ZNF658: variants seen among roughly 807,000 people sequenced by gnomAD.
ZNF658 encodes the protein zinc finger protein 658.
Under a neutral mutation model 78.0 loss-of-function variants are expected in ZNF658, and 46 were observed. The ratio of observed to expected loss-of-function variants is 0.59; its 90% CI spans 0.47 to 0.75. The LOEUF (loss-of-function observed/expected upper bound fraction) is 0.75, where lower values mean the gene tolerates loss of function less well. ZNF658 is among the 30% of genes least tolerant of loss of function. The pLI is 0.00. For missense variants in ZNF658, 785 were observed against 1,189.3 expected, an observed-to-expected ratio of 0.66 and a Z score of 5.00; for synonymous variants, 279 against 408.4, an observed-to-expected ratio of 0.68 and a Z score of 3.82.
intron 1 of ZNF658, among the ~76,000 whole-genome samples, chr9:66,901,426 C>T (rs950693860): frequency 5.9e-5 from 9 of 151,724 alleles, no homozygotes; most frequent in Non-Finnish European, 1.3e-4. Flanking sequence ...GCCTTCAGAG[C>T]GCTTATGCAG....
chr9:66,916,302 C>A (rs1364354668), intron 4 of ZNF658, among the ~76,000 whole-genome samples: 2 of 152,186 alleles, frequency 1.3e-5, no homozygotes. Context: ...TTTGAGAATT[C>A]TTTCACCCAT....
At chr9:66,906,318 C>G (rs1200188061) in intron 2 of ZNF658, among the ~76,000 whole-genome samples, 1 of 150,188 alleles carries the variant, frequency 6.7e-6, no homozygotes, top group Admixed American at 6.7e-5. Flanking sequence ...AGAGCATAAT[C>G]ACAGCCCTGG....
At chr9:66,917,254 T>C (rs201628643) in intron 4 of ZNF658, among the ~76,000 whole-genome samples, 15 of 132,600 alleles carry the variant, frequency 1.1e-4, no homozygotes, top group East Asian at 1.1e-3. Context: ...GGATTTTTAA[T>C]TGTAAGAGGG....
chr9:66,903,182 A>G (rs1270421666), intron 1 of ZNF658: 1 of 215,004 alleles, frequency 4.7e-6, no homozygotes, highest in African/African-American at 2.3e-5. Flanking sequence ...ATCAACAAAA[A>G]ACAGTATTAC....
At chr9:66,901,907 A>G (rs538956725) in intron 1 of ZNF658, among the ~76,000 whole-genome samples, 2 of 152,236 alleles carry the variant, frequency 1.3e-5, no homozygotes, top group Admixed American at 1.3e-4. Context: ...GCACCACTGC[A>G]CTCCAGCCTG....
intron 1 of ZNF658, among the ~76,000 whole-genome samples, chr9:66,902,328 T>C (rs74589497): frequency 0.5 from 58,918 of 118,866 alleles, 15,503 homozygotes; most frequent in African/African-American, 0.62. Context: ...AGGCAGAAGA[T>C]TCTAGAAAGG....
chr9:66,914,445 T>C (rs1822286827), intron 4 of ZNF658, among the ~76,000 whole-genome samples: 2 of 152,066 alleles, frequency 1.3e-5, no homozygotes, highest in Non-Finnish European at 2.9e-5. Context: ...TTTGTGTTTT[T>C]ATTCTTACCT....
At chr9:66,901,669 G>C (rs1821955581) in intron 1 of ZNF658, among the ~76,000 whole-genome samples, 1 of 152,172 alleles carries the variant, frequency 6.6e-6, no homozygotes, top group East Asian at 1.9e-4. Context: ...TTTTGGCCAG[G>C]TGCGGTGGCT....
At chr9:66,907,400 A>G (rs1472668683) in intron 2 of ZNF658, among the ~76,000 whole-genome samples, 2 of 152,032 alleles carry the variant, frequency 1.3e-5, no homozygotes, top group African/African-American at 4.8e-5. Flanking sequence ...TTTGAAATAT[A>G]CATTACTTTA....
chr9:66,923,031 C>G (rs1930116), downstream of ZNF658, among the ~76,000 whole-genome samples: 3 of 151,680 alleles, frequency 2.0e-5, no homozygotes, highest in Non-Finnish European at 4.4e-5. Context: ...AAGGAGTATA[C>G]ACTGTCACAA....
At chr9:66,901,556 C>A (rs1360614868) in intron 1 of ZNF658, among the ~76,000 whole-genome samples, 2 of 151,678 alleles carry the variant, frequency 1.3e-5, no homozygotes, top group East Asian at 3.9e-4. Flanking sequence ...GCTCCTGAAT[C>A]CTCTTGTACT....
chr9:66,929,283 C>A (rs1822616805), intron 6 of ZNF658, among the ~76,000 whole-genome samples: 2 of 138,550 alleles, frequency 1.4e-5, no homozygotes, highest in Non-Finnish European at 3.1e-5. Context: ...AGGAAAATAT[C>A]ATGGGATGTC....
intron 2 of ZNF658, among the ~76,000 whole-genome samples, chr9:66,907,352 C>A (rs1353746971): frequency 6.6e-6 from 1 of 151,966 alleles, no homozygotes; most frequent in Admixed American, 6.6e-5. Context: ...TTCTTCTTTC[C>A]CAGATACCAG....
chr9:66,928,326 G>C (rs945046875), intron 6 of ZNF658, among the ~76,000 whole-genome samples: 1 of 151,838 alleles, frequency 6.6e-6, no homozygotes, highest in East Asian at 1.9e-4. Flanking sequence ...ACACACAGGT[G>C]AATTGGAAAA....
chr9:66,925,404 G>A (rs1231315275), downstream of ZNF658, among the ~76,000 whole-genome samples: 6 of 152,004 alleles, frequency 3.9e-5, no homozygotes, highest in Non-Finnish European at 7.4e-5. Context: ...AAATGAAAAA[G>A]ACATTGCAAC....
intron 6 of ZNF658, among the ~76,000 whole-genome samples, chr9:66,927,166 A>G (rs2118134156): frequency 6.6e-6 from 1 of 152,206 alleles, no homozygotes; most frequent in Admixed American, 6.5e-5. Flanking sequence ...AACTCAGTAG[A>G]TAAAACTAAC....
chr9:66,929,120 T>G (rs1164592462), intron 6 of ZNF658, among the ~76,000 whole-genome samples: 2 of 151,936 alleles, frequency 1.3e-5, no homozygotes, highest in African/African-American at 2.4e-5. Flanking sequence ...TCAGTAAAAA[T>G]GAATAAATGA....
chr9:66,931,595 C>G lies in ZNF658; in HGVS notation c.*55-430C>G, dbSNP rs1178001846. 2.0e-5 allele frequency among the ~76,000 whole-genome samples: 3 copies of G among 148,912 alleles called. No individual in the cohort carries two copies. The East Asian group carries it at 6.0e-4, about 30-fold the overall frequency. ...ACGCTTGGTGAAATGTATAAGGGAC[C>G]TTTGCGTACCTTTTTTTCTTTTTGC... On this transcript the variant is annotated intron_variant and NMD_transcript_variant, in intron 6 of 6. Coordinates refer to the ZNF658 transcript ENST00000622180.
At chr9:66,907,813 G>C (rs534536965) in intron 2 of ZNF658, among the ~76,000 whole-genome samples, 1 of 152,022 alleles carries the variant, frequency 6.6e-6, no homozygotes, top group Non-Finnish European at 1.5e-5. Context: ...TATTATAGCT[G>C]TTCTCTGCTC....
Sources: allele counts gnomAD v4.1 joint callset (sites outside exome capture counted in the v4.1 genomes callset), GRCh38; gene constraint gnomAD v4.1.1; transcripts MANE v1.5; gene names NCBI Gene and HGNC (gene_info 2026-07-23, HGNC 2026-07-21).